UNC13B: variants seen among roughly 807,000 people sequenced by gnomAD.
UNC13B encodes protein unc-13 homolog B.
Under a neutral mutation model 211.0 loss-of-function variants are expected in UNC13B, and 144 were observed. The observed-to-expected ratio is 0.68, with a 90% confidence interval of 0.60 to 0.78. The LOEUF (loss-of-function observed/expected upper bound fraction) is 0.78. Ranked by LOEUF, UNC13B falls within the 30% of genes least tolerant of loss-of-function variation. The pLI is 0.00. For missense variants in UNC13B, 1,777 were observed against 2,002.0 expected, an observed-to-expected ratio of 0.89 and a Z score of 2.14; for synonymous variants, 709 against 725.8, an observed-to-expected ratio of 0.98 and a Z score of 0.37.
chr9:35,366,872 A>T, intron 11 of UNC13B, 75 bp from the exon 12 acceptor site: 1 of 1,282,970 alleles, frequency 7.8e-7, no homozygotes, highest in Non-Finnish European at 1.1e-6. Context: ...CTTGTACTCT[A>T]CTGCTCGCTG....
At chr9:35,351,864 C>T (rs1832740533) in intron 11 of UNC13B, 1 of 1,232,136 alleles carries the variant, frequency 8.1e-7, no homozygotes, top group East Asian at 3.2e-5. Flanking sequence ...TGTCAGGAGC[C>T]CTCAGAGAGG....
At chr9:35,330,065 G>T (rs147640165) in intron 11 of UNC13B, among the ~76,000 whole-genome samples, 2 of 152,270 alleles carry the variant, frequency 1.3e-5, no homozygotes, top group East Asian at 3.9e-4. Flanking sequence ...GCCGAGAACT[G>T]GGTTTTTGTA....
intron 11 of UNC13B, among the ~76,000 whole-genome samples, chr9:35,325,354 T>G (rs1830948164): frequency 6.6e-6 from 1 of 152,146 alleles, no homozygotes; most frequent in Non-Finnish European, 1.5e-5. Flanking sequence ...GAAAAAAAAT[T>G]TTTTTTATTT....
intron 1 of UNC13B, among the ~76,000 whole-genome samples, chr9:35,179,696 T>C (rs1236149957): frequency 6.6e-6 from 1 of 151,862 alleles, no homozygotes; most frequent in East Asian, 1.9e-4. Context: ...AAGGCTGAGG[T>C]GGGAGGATCA....
rs538363114 is a variant in UNC13B, at chr9:35,300,405, G to A, written c.1001G>A (p.Arg334His). 210 of 398,966 alleles carry A rather than the reference G, an allele frequency of 5.3e-4. No homozygotes were observed. The highest frequency in any genetic ancestry group is 8.9e-4 in the South Asian group (7 of 7,860). 24.7% of individuals were successfully genotyped at this position (398,966 alleles called of 1,614,324 possible). Residue 334 changes from arginine (R) to histidine (H), a missense_variant, in exon 9 of 40, where the codon CGC (arginine) becomes CAC (histidine). Transcript: ENST00000635942. ...TTTGTGGTTAAGAGTGGCATGCAGC[G>A]CATTAAGTTGGAAAGTCATGATTAT... is the stretch of plus-strand genomic sequence containing the variant. The part of the protein sequence containing the change: ...NGFVVKSGMQ[R>H]IKLESHDYDL...
intron 6 of UNC13B, among the ~76,000 whole-genome samples, chr9:35,251,466 A>G (rs545581524): frequency 1.3e-5 from 2 of 152,208 alleles, no homozygotes; most frequent in Non-Finnish European, 2.9e-5. Context: ...GGGAACCTGT[A>G]TTCCCACCTA....
At chr9:35,340,913 T>C (rs1243574087) in intron 11 of UNC13B, among the ~76,000 whole-genome samples, 1 of 152,200 alleles carries the variant, frequency 6.6e-6, no homozygotes, top group Non-Finnish European at 1.5e-5. Context: ...GCTCGGACAT[T>C]ATGTTGCAGT....
At chr9:35,261,355 C>G (rs1204490817) in intron 7 of UNC13B, among the ~76,000 whole-genome samples, 1 of 152,102 alleles carries the variant, frequency 6.6e-6, no homozygotes, top group East Asian at 1.9e-4. Flanking sequence ...ATACCATGAT[C>G]ACAATCAAGA....
chr9:35,329,720 C>T (rs917276250), intron 11 of UNC13B, among the ~76,000 whole-genome samples: 2 of 152,042 alleles, frequency 1.3e-5, no homozygotes, highest in African/African-American at 2.4e-5. Flanking sequence ...AACTCCCAAG[C>T]TCAAACAATC....
chr9:35,304,305 T>G lies in UNC13B; in HGVS notation c.4901T>G (p.Leu1634Arg). 2.5e-6 allele frequency: 1 copy of G among 398,752 alleles called. No homozygotes were observed. The highest frequency in any genetic ancestry group is 4.4e-6 in the Non-Finnish European group (1 of 225,878). 24.7% of individuals were successfully genotyped at this position (398,752 alleles called of 1,614,324 possible). ...AATTTAGAAACCTTTTCACAAGTACTTAAAGAGTCAAGTTGTGACCAAAGC... is the reference window on the plus strand; with the variant it reads ...AATTTAGAAACCTTTTCACAAGTACGTAAAGAGTCAAGTTGTGACCAAAGC... The part of the protein sequence containing the change: ...YLNLETFSQV[L>R]KESSCDQSDQ... The change falls in exon 9 of 40, where the codon CTT becomes CGT. Residue 1634 changes from leucine to arginine, a missense_variant. Coordinates refer to ENST00000635942, the MANE Select transcript of UNC13B (RefSeq NM_001371189.2).
intron 11 of UNC13B, 122 bp from the exon 12 acceptor site, chr9:35,366,825 G>A: frequency 2.5e-6 from 2 of 800,206 alleles, no homozygotes; most frequent in Non-Finnish European, 4.3e-6. Context: ...CAGACAGGCT[G>A]TCACCACATG....
chr9:35,258,364 T>C (rs1275010899), intron 6 of UNC13B, among the ~76,000 whole-genome samples: 1 of 152,236 alleles, frequency 6.6e-6, no homozygotes, highest in East Asian at 1.9e-4. Flanking sequence ...CCTCAAGATT[T>C]GGACATAATT....
intron 1 of UNC13B, among the ~76,000 whole-genome samples, chr9:35,167,586 G>GTTTTTT (rs35751450): frequency 3.5e-5 from 4 of 114,984 alleles, no homozygotes; most frequent in South Asian, 2.7e-4. Flanking sequence ...ATCTTTGTAG[G>GTTTTTT]TTTTTTTTTT....
chr9:35,261,721 A>G (rs1156759080), intron 7 of UNC13B, among the ~76,000 whole-genome samples: 1 of 152,052 alleles, frequency 6.6e-6, no homozygotes, highest in Non-Finnish European at 1.5e-5. Context: ...TACTCATTCT[A>G]GATAACTATT....
intron 6 of UNC13B, among the ~76,000 whole-genome samples, chr9:35,249,751 T>A (rs543636490): frequency 6.6e-6 from 1 of 152,346 alleles, no homozygotes; most frequent in Non-Finnish European, 1.5e-5. Context: ...CTTCCCTTTG[T>A]GGGTAACCCG....
Position 35,403,899 on chromosome 9 carries a change from T to C in UNC13B, c.12889T>C (p.Leu4297=), listed in dbSNP as rs772339086. Reference sequence around the variant, plus strand: ...GGGCAGCTGTGCCTGCTGGTGCCCCTTGGGCCGGAAGATCCATATGGATGA... The same window carrying C: ...GGGCAGCTGTGCCTGCTGGTGCCCCCTGGGCCGGAAGATCCATATGGATGA... ...AKGSCACWCP[L]GRKIHMDETG... The change falls in exon 40 of 40, where the codon TTG becomes CTG. Residue 4297 remains leucine (L), a synonymous_variant. Transcript: ENST00000635942. 6.2e-7 allele frequency: 1 copy of C among 1,614,142 alleles called. No homozygotes were observed. Among genetic ancestry groups the C allele is most frequent in the Non-Finnish European group, 8.5e-7 (1 of 1,180,020 alleles).
At chr9:35,209,015 C>T (rs1291343493) in intron 1 of UNC13B, among the ~76,000 whole-genome samples, 1 of 152,154 alleles carries the variant, frequency 6.6e-6, no homozygotes, top group African/African-American at 2.4e-5. Context: ...AATTTTCTCA[C>T]TTAACAATAT....
At chr9:35,314,978 G>A (rs1259934113) in intron 11 of UNC13B, among the ~76,000 whole-genome samples, 1 of 137,304 alleles carries the variant, frequency 7.3e-6, no homozygotes, top group Non-Finnish European at 1.5e-5. Context: ...CTAGGCTCAA[G>A]CAATCCTCCT....
chr9:35,224,651 A>G (rs1824737073), intron 1 of UNC13B, among the ~76,000 whole-genome samples: 1 of 152,094 alleles, frequency 6.6e-6, no homozygotes, highest in Non-Finnish European at 1.5e-5. Context: ...TGCTCTGGCT[A>G]GGACTCCCAG....
Sources: gnomAD v4.1 joint callset for allele counts (sites outside exome capture counted in the v4.1 genomes callset) on GRCh38, gnomAD v4.1.1 for gene constraint, MANE v1.5 for transcripts, NCBI Gene and HGNC (gene_info 2026-07-23, HGNC 2026-07-21) for gene names.